Variants in AHCYL2 observed in about 807,000 individuals in gnomAD.
The protein encoded by AHCYL2 is S-adenosylhomocysteine hydrolase-like protein 2.
AHCYL2 carries 28 observed loss-of-function variants against 81.4 expected under a neutral mutation model. That is an observed-to-expected ratio of 0.34 (90% confidence interval 0.25 to 0.47). The LOEUF (loss-of-function observed/expected upper bound fraction) is 0.47. Ranked by LOEUF, AHCYL2 falls within the 20% of genes least tolerant of loss-of-function variation. The pLI is 1.00. For missense variants in AHCYL2, 551 were observed against 785.1 expected, an observed-to-expected ratio of 0.70 and a Z score of 3.56; for synonymous variants, 272 against 290.2, an observed-to-expected ratio of 0.94 and a Z score of 0.64.
intron 1 of AHCYL2, among the ~76,000 whole-genome samples, chr7:129,302,540 C>T (rs1584761749): frequency 6.6e-6 from 1 of 152,102 alleles, no homozygotes; most frequent in Non-Finnish European, 1.5e-5. Flanking sequence ...TTCTTCTATA[C>T]TCAGTTATTT....
intron 1 of AHCYL2, among the ~76,000 whole-genome samples, chr7:129,246,199 C>G (rs751906684): frequency 6.6e-6 from 1 of 152,102 alleles, no homozygotes. Context: ...GCTGGGATTA[C>G]AGGCATGTGC....
chr7:129,397,473 C>A, intron 5 of AHCYL2, 149 bp downstream of exon 5: 1 of 800,562 alleles, frequency 1.2e-6, no homozygotes, highest in Non-Finnish European at 2.0e-6. Context: ...TGCTCTTTTT[C>A]TGGCCTTCGC....
chr7:129,257,845 A>G (rs1287502914), intron 1 of AHCYL2, among the ~76,000 whole-genome samples: 1 of 152,212 alleles, frequency 6.6e-6, no homozygotes, highest in African/African-American at 2.4e-5. Context: ...GTAACAACAG[A>G]AAGAAAAGGA....
chr7:129,308,100 C>A (rs906877435), intron 1 of AHCYL2, among the ~76,000 whole-genome samples: 7 of 152,154 alleles, frequency 4.6e-5, no homozygotes, highest in African/African-American at 1.7e-4. Context: ...CCCTGGCTGA[C>A]ATCTCACTAA....
At chr7:129,308,115 T>C (rs1797510427) in intron 1 of AHCYL2, among the ~76,000 whole-genome samples, 1 of 152,070 alleles carries the variant, frequency 6.6e-6, no homozygotes, top group South Asian at 2.1e-4. Flanking sequence ...CACTAAGTTA[T>C]GTGCCCCTCA....
At chr7:129,420,025 T>G (rs1797040484) in intron 12 of AHCYL2, among the ~76,000 whole-genome samples, 2 of 152,216 alleles carry the variant, frequency 1.3e-5, no homozygotes, top group Non-Finnish European at 2.9e-5. Flanking sequence ...GGCAGGTTAT[T>G]GGAGCTTCCT....
At chr7:129,318,726 A>T (rs1188242453) in intron 1 of AHCYL2, among the ~76,000 whole-genome samples, 1 of 152,208 alleles carries the variant, frequency 6.6e-6, no homozygotes, top group East Asian at 1.9e-4. Flanking sequence ...GAATTAAAAA[A>T]CATAATTGTG....
intron 1 of AHCYL2, among the ~76,000 whole-genome samples, chr7:129,377,248 T>A (rs1338565417): frequency 6.6e-6 from 1 of 152,194 alleles, no homozygotes; most frequent in Non-Finnish European, 1.5e-5. Flanking sequence ...AAAGTTCATG[T>A]ACGTCCTATG....
In AHCYL2 at chr7:129,236,587, C is replaced by A. The variant is rs1338956563; in HGVS notation, c.363+11148C>A. On this transcript the variant is annotated intron_variant, in intron 1 of 16. Coordinates refer to ENST00000325006, the MANE Select transcript of AHCYL2 (RefSeq NM_015328.4). The stretch of plus-strand genomic sequence containing the variant: ...AACTCCTGGGCTCAAGCGATCTGCC[C>A]GCCTCAGCCTCCCAAAGAGGCATAA... Among the ~76,000 whole-genome samples, 3 of 151,464 alleles carry A rather than the reference C, an allele frequency of 2.0e-5. No individual in the cohort carries two copies. In the South Asian group the frequency reaches 6.3e-4, roughly 32 times the overall value.
At chr7:129,228,683 A>G (rs1212372473) in intron 1 of AHCYL2, among the ~76,000 whole-genome samples, 1 of 152,236 alleles carries the variant, frequency 6.6e-6, no homozygotes, top group Non-Finnish European at 1.5e-5. Context: ...GCAGGAGAGG[A>G]TTTATTTCAG....
chr7:129,327,791 T>TTTA (rs905428162), intron 1 of AHCYL2, among the ~76,000 whole-genome samples: 1 of 151,740 alleles, frequency 6.6e-6, no homozygotes, highest in Non-Finnish European at 1.5e-5. Context: ...AATATTTTAA[T>TTTA]TTATTATTAT....
chr7:129,246,936 A>G (rs1002959397), intron 1 of AHCYL2, among the ~76,000 whole-genome samples: 1 of 152,208 alleles, frequency 6.6e-6, no homozygotes, highest in Admixed American at 6.5e-5. Flanking sequence ...GTATTTCATT[A>G]TATGGCTATA....
intron 1 of AHCYL2, among the ~76,000 whole-genome samples, chr7:129,322,439 A>G (rs1798071960): frequency 1.3e-5 from 2 of 152,198 alleles, no homozygotes; most frequent in African/African-American, 4.8e-5. Context: ...CCAGCCAGGT[A>G]AGGTTTTATA....
At chr7:129,261,991 A>G (rs1450862801) in intron 1 of AHCYL2, among the ~76,000 whole-genome samples, 1 of 152,216 alleles carries the variant, frequency 6.6e-6, no homozygotes, top group Non-Finnish European at 1.5e-5. Context: ...ATTATTTTTT[A>G]ACATGGTAGA....
intron 1 of AHCYL2, among the ~76,000 whole-genome samples, chr7:129,274,581 T>G (rs1053903345): frequency 6.6e-6 from 1 of 152,154 alleles, no homozygotes; most frequent in Admixed American, 6.5e-5. Context: ...CTGGCTTTAG[T>G]GACTTGCTTA....
rs1488236424 is a variant in AHCYL2 at position 129,426,826 on chromosome 7, T to C, written c.1830-213T>C. Among the ~76,000 whole-genome samples the C allele has an allele frequency of 2.0e-5, 3 of 152,008 alleles. No homozygotes were observed. The highest frequency in any genetic ancestry group is 4.4e-5 in the Non-Finnish European group (3 of 68,008). ...ATAAAGTTCCCCTTCCTCAATTCCTTTCCCCATTTCATCTTGTTGCTATGA... is the reference window on the plus strand; with the variant it reads ...ATAAAGTTCCCCTTCCTCAATTCCTCTCCCCATTTCATCTTGTTGCTATGA... On this transcript the variant is annotated intron_variant, in intron 16 of 16. Transcript: ENST00000325006. This position sits in a 1 kb window ranked among gnomAD's most constrained non-coding sequence, Gnocchi z 4.3.
intron 1 of AHCYL2, among the ~76,000 whole-genome samples, chr7:129,289,631 C>G (rs1796764570): frequency 1.3e-5 from 2 of 152,128 alleles, no homozygotes; most frequent in Non-Finnish European, 2.9e-5. Flanking sequence ...TTTCAGAATA[C>G]TGTATTGGTT....
intron 1 of AHCYL2, among the ~76,000 whole-genome samples, chr7:129,286,104 C>T (rs1221267173): frequency 1.3e-5 from 2 of 152,092 alleles, no homozygotes; most frequent in Non-Finnish European, 2.9e-5. Context: ...TTTTAGGTCA[C>T]AGTGTCTTTC....
chr7:129,366,977 C>G (rs1794145874), intron 1 of AHCYL2, among the ~76,000 whole-genome samples: 1 of 152,124 alleles, frequency 6.6e-6, no homozygotes, highest in South Asian at 2.1e-4. Flanking sequence ...GGCGAGACAT[C>G]TGGAAGCAGG....
Sources: allele counts gnomAD v4.1 joint callset (sites outside exome capture counted in the v4.1 genomes callset), GRCh38; gene constraint gnomAD v4.1.1; non-coding constraint Gnocchi (gnomAD v3.1); transcripts MANE v1.5; gene names NCBI Gene and HGNC (gene_info 2026-07-23, HGNC 2026-07-21).